The following PAK5 variants were observed in gnomAD, a reference collection of about 807,000 sequenced individuals.
PAK5 encodes the protein p21 (RAC1) activated kinase 5.
PAK5 carries 16 observed loss-of-function variants against 65.9 expected under a neutral mutation model. The observed-to-expected ratio is 0.24, with a 90% CI of 0.16 to 0.37. The LOEUF (loss-of-function observed/expected upper bound fraction) is 0.37. PAK5 is among the 10% of genes least tolerant of loss of function. PAK5 has a pLI of 1.00. For synonymous variants in PAK5, 371 were observed against 354.9 expected (o/e 1.05, Z -0.51); for missense variants, 785 against 903.9 (o/e 0.87, Z 1.69).
rs113742174 is a variant in PAK5, at chr20:9,553,375, A to C, written c.1743+4233T>G. On this transcript the variant is annotated intron_variant, in intron 7 of 9. Transcript: ENST00000353224. Reference sequence around the variant, plus strand: ...TGCAAAAGTCATTGTGGTTTTTGCCACTAAAAGTAATGGCAATTACTTTTG... The same window carrying C: ...TGCAAAAGTCATTGTGGTTTTTGCCCCTAAAAGTAATGGCAATTACTTTTG... Among the ~76,000 whole-genome samples the C allele has an allele frequency of 8.3e-3, 1,271 of 152,230 alleles. 8 individuals are homozygous for C. Among genetic ancestry groups the C allele is most frequent in the African/African-American group, 0.029 (1,200 of 41,520 alleles).
At position 9,641,626 on chromosome 20, in the gene PAK5, G is replaced by A. The variant is rs192594200; in HGVS notation, c.204+2499C>T. Among the ~76,000 whole-genome samples, 748 of 152,096 alleles carry A rather than the reference G, an allele frequency of 4.9e-3. 5 individuals are homozygous for A. The highest frequency in any genetic ancestry group is 0.016 in the African/African-American group (670 of 41,492). On this transcript the variant is annotated intron_variant, in intron 3 of 9. Coordinates refer to ENST00000353224, the MANE Select transcript of PAK5 (RefSeq NM_177990.4). ...CCTTGGGTGGTCGATGGGACTGGGC[G>A]CTGTGGAGCAGGGGGTGGTGCTCGT...
At chr20:9,622,638 T>G (rs1876812869) in intron 3 of PAK5, among the ~76,000 whole-genome samples, 1 of 152,216 alleles carries the variant, frequency 6.6e-6, no homozygotes, top group Admixed American at 6.5e-5. Context: ...AGCTGAGCTC[T>G]GCCTCTTGTC....
At chr20:9,746,497 T>C (rs747653133) in intron 1 of PAK5, among the ~76,000 whole-genome samples, 3 of 152,182 alleles carry the variant, frequency 2.0e-5, no homozygotes, top group Non-Finnish European at 2.9e-5. Flanking sequence ...GCTCAATGAA[T>C]ATTGGCATAT....
chr20:9,701,698 TA>T (rs2047941095), intron 2 of PAK5, among the ~76,000 whole-genome samples: 1 of 152,128 alleles, frequency 6.6e-6, no homozygotes, highest in Non-Finnish European at 1.5e-5. Flanking sequence ...GATACATTTA[TA>T]AAAAGGTCAA....
At chr20:9,550,039 T>C (rs1339596565) in intron 7 of PAK5, among the ~76,000 whole-genome samples, 3 of 152,216 alleles carry the variant, frequency 2.0e-5, no homozygotes, top group African/African-American at 4.8e-5. Flanking sequence ...CTGTCTCAGA[T>C]ACTGTTTCGT....
rs954437536 is a variant in PAK5, at chr20:9,722,254, G to T, written c.-161-10819C>A. On this transcript the variant is annotated intron_variant, in intron 1 of 9. Coordinates refer to ENST00000353224, the MANE Select transcript of PAK5 (RefSeq NM_177990.4). ...AGTTAGCATGTACAAATGTCCTGAGGTTATCAATGTTTATAAATAACAGTG... is the reference window on the plus strand; with the variant it reads ...AGTTAGCATGTACAAATGTCCTGAGTTTATCAATGTTTATAAATAACAGTG... 3.3e-5 allele frequency among the ~76,000 whole-genome samples: 5 copies of T among 152,100 alleles called. No individual in the cohort carries two copies. The East Asian group carries it at 9.6e-4, about 29-fold the overall frequency.
At chr20:9,543,590 T>C (rs549601822) in intron 8 of PAK5, among the ~76,000 whole-genome samples, 1 of 152,306 alleles carries the variant, frequency 6.6e-6, no homozygotes, top group Non-Finnish European at 1.5e-5. Context: ...GCTGATGTCC[T>C]TAGCTCACGG....
At chr20:9,725,785 T>TG (rs2048270126) in intron 1 of PAK5, among the ~76,000 whole-genome samples, 1 of 152,174 alleles carries the variant, frequency 6.6e-6, no homozygotes, top group East Asian at 1.9e-4. Context: ...GTATTAAAAC[T>TG]AGTCATTATA....
At chr20:9,698,328 T>C (rs1288153211) in intron 2 of PAK5, among the ~76,000 whole-genome samples, 1 of 152,112 alleles carries the variant, frequency 6.6e-6, no homozygotes, top group Non-Finnish European at 1.5e-5. Flanking sequence ...GAAAAACAAC[T>C]CCATGGAGTT....
In PAK5 at chr20:9,580,178, A is replaced by G. The variant is rs1464682530; in HGVS notation, c.957T>C (p.Pro319=). The change falls in exon 4 of 10, where the codon CCT becomes CCC. Residue 319 remains proline, a synonymous_variant. Coordinates refer to ENST00000353224, the MANE Select transcript of PAK5 (RefSeq NM_177990.4). ...QGHSYNSYTY[P]RLSEPTMCIP... The stretch of plus-strand genomic sequence containing the variant: ...TGCACATTGTGGGCTCGGACAAGCG[A>G]GGGTAGGTGTAGGAGTTGTAGGAGT... The G allele has an allele frequency of 7.4e-6, 12 of 1,613,500 alleles. No individual in the cohort carries two copies. The highest frequency in any genetic ancestry group is 9.3e-6 in the Non-Finnish European group (11 of 1,179,720).
chr20:9,791,613 G>A (rs1478061121), intron 1 of PAK5, among the ~76,000 whole-genome samples: 8 of 152,128 alleles, frequency 5.3e-5, no homozygotes, highest in Non-Finnish European at 8.8e-5. Context: ...GACTCTCAAT[G>A]AGAGCAGTAA....
chr20:9,667,568 A>C (rs1221553138), intron 2 of PAK5, among the ~76,000 whole-genome samples: 4 of 152,270 alleles, frequency 2.6e-5, no homozygotes, highest in Non-Finnish European at 5.9e-5. Flanking sequence ...GATTTTCCAG[A>C]AAGTTCATCT....
intron 3 of PAK5, among the ~76,000 whole-genome samples, chr20:9,592,931 G>C (rs1489112984): frequency 6.6e-6 from 1 of 152,140 alleles, no homozygotes; most frequent in African/African-American, 2.4e-5. Flanking sequence ...AACCCAATCA[G>C]AGATACAAGC....
intron 2 of PAK5, among the ~76,000 whole-genome samples, chr20:9,648,452 CAG>C (rs1485106533): frequency 2.0e-5 from 3 of 151,368 alleles, no homozygotes; most frequent in Non-Finnish European, 4.4e-5. Context: ...AGGAGGAAAA[CAG>C]GGGTTGAACA....
At chr20:9,657,482 C>T (rs913649341) in intron 2 of PAK5, among the ~76,000 whole-genome samples, 3 of 151,950 alleles carry the variant, frequency 2.0e-5, no homozygotes, top group African/African-American at 7.2e-5. Context: ...TTTTTTTGAT[C>T]GCTTGTATTA....
chr20:9,551,508 G>A (rs541863213), intron 7 of PAK5, among the ~76,000 whole-genome samples: 1 of 152,274 alleles, frequency 6.6e-6, no homozygotes, highest in South Asian at 2.1e-4. Flanking sequence ...CAAAAGAATG[G>A]TGGAGGGTTG....
chr20:9,789,373 C>T (rs59642824), intron 1 of PAK5, among the ~76,000 whole-genome samples: 2 of 152,138 alleles, frequency 1.3e-5, no homozygotes, highest in South Asian at 2.1e-4. Context: ...CAGATGCCCT[C>T]GCAATTCAAA....
chr20:9,565,244 G>T (rs1358911039), intron 5 of PAK5, among the ~76,000 whole-genome samples: 1 of 151,970 alleles, frequency 6.6e-6, no homozygotes, highest in Non-Finnish European at 1.5e-5. Context: ...TTTGTAAACA[G>T]AAAAATATAG....
At chr20:9,744,925 G>A (rs529778688) in intron 1 of PAK5, among the ~76,000 whole-genome samples, 30 of 152,226 alleles carry the variant, frequency 2.0e-4, no homozygotes, top group Non-Finnish European at 3.5e-4. Flanking sequence ...AGCATCTTGG[G>A]AAATGAGTGG....
Sources: gnomAD v4.1 joint callset for allele counts (sites outside exome capture counted in the v4.1 genomes callset) on GRCh38, gnomAD v4.1.1 for gene constraint, MANE v1.5 for transcripts, NCBI Gene and HGNC (gene_info 2026-07-23, HGNC 2026-07-21) for gene names.